TFEC: variants seen among roughly 807,000 people sequenced by gnomAD.
TFEC encodes transcription factor EC.
In TFEC, 31 loss-of-function variants were observed where a neutral mutation model predicts 41.6. That is an observed-to-expected ratio of 0.74 (90% CI 0.56 to 1.01). The LOEUF (loss-of-function observed/expected upper bound fraction) is 1.01. Ranked by LOEUF, TFEC falls within the 50% of genes least tolerant of loss-of-function variation. TFEC has a pLI of 0.00. For missense variants in TFEC, 402 were observed against 404.1 expected, an observed-to-expected ratio of 0.99 and a Z score of 0.04; for synonymous variants, 143 against 140.6, an observed-to-expected ratio of 1.02 and a Z score of -0.12.
In TFEC at chr7:116,109,835, T is replaced by C. The variant is rs556481574; in HGVS notation, c.198+873A>G. ...GACTTGGAACCAACCCAAATGTCCATCAATGATAGATCGGATTAAGAAAAT... is the reference window on the plus strand; with the variant it reads ...GACTTGGAACCAACCCAAATGTCCACCAATGATAGATCGGATTAAGAAAAT... On this transcript the variant is annotated intron_variant, in intron 3 of 8. Transcript: ENST00000484212. Among the ~76,000 whole-genome samples, 3 of 152,250 alleles carry C rather than the reference T, an allele frequency of 2.0e-5. No individual in the cohort carries two copies. The East Asian group carries it at 5.8e-4, about 29-fold the overall frequency.
intron 3 of TFEC, among the ~76,000 whole-genome samples, chr7:116,051,978 G>A (rs780367960): frequency 2.6e-5 from 4 of 151,874 alleles, no homozygotes; most frequent in African/African-American, 4.8e-5. Flanking sequence ...CTGAGAAGGT[G>A]TAAGGATGAA....
chr7:115,959,813 A>T (rs1792435224), intron 3 of TFEC, among the ~76,000 whole-genome samples: 1 of 151,690 alleles, frequency 6.6e-6, no homozygotes, highest in Admixed American at 6.6e-5. Flanking sequence ...GATAAGGAAA[A>T]AGACTAAGAA....
At chr7:116,033,793 G>A (rs1795843691), upstream of TFEC, among the ~76,000 whole-genome samples, 1 of 151,994 alleles carries the variant, frequency 6.6e-6, no homozygotes, top group Non-Finnish European at 1.5e-5. Context: ...CCCACCTAAA[G>A]GAAAACAAAT....
chr7:115,953,098 A>G (rs564124695), intron 5 of TFEC, among the ~76,000 whole-genome samples: 3 of 151,946 alleles, frequency 2.0e-5, no homozygotes, highest in African/African-American at 7.2e-5. Flanking sequence ...TGGAGCTTGA[A>G]TGTACAGGAC....
chr7:116,112,046 GA>G (rs923346355), intron 1 of TFEC: 51 of 971,214 alleles, frequency 5.3e-5, no homozygotes, highest in African/African-American at 2.8e-4. Flanking sequence ...ACTCTGAAAA[GA>G]AAAAAAAAGA....
At chr7:116,011,898 T>G (rs1472181080) in intron 1 of TFEC, among the ~76,000 whole-genome samples, 1 of 152,178 alleles carries the variant, frequency 6.6e-6, no homozygotes, top group Admixed American at 6.6e-5. Flanking sequence ...CTGCTCCCTC[T>G]TCCCCTTCTG....
intron 3 of TFEC, among the ~76,000 whole-genome samples, chr7:116,093,874 T>A (rs1797386687): frequency 1.3e-5 from 2 of 152,230 alleles, no homozygotes; most frequent in African/African-American, 4.8e-5. Context: ...TGTGGTAATG[T>A]TCACTTGTCT....
chr7:116,030,655 G>T lies in TFEC; in HGVS notation c.-95C>A. The T allele has an allele frequency of 1.0e-6, 1 of 985,394 alleles. No individual in the cohort carries two copies. Among genetic ancestry groups the T allele is most frequent in the Non-Finnish European group, 1.2e-6 (1 of 829,930 alleles). The allele number at this position is 985,394 out of a possible 1,614,324, so 61.0% of individuals were successfully genotyped here. ...TACCAGCAATGAGTGGATTTTATCA[G>T]TGTTGTCATCTCTACAAACAGCACC... On this transcript the variant is annotated 5_prime_UTR_variant, in exon 1 of 8. The change creates a new upstream start codon in the 5' untranslated region. Transcript: ENST00000265440.
chr7:115,958,587 G>A (rs545303087), intron 3 of TFEC, among the ~76,000 whole-genome samples: 11 of 151,858 alleles, frequency 7.2e-5, no homozygotes, highest in South Asian at 4.2e-4. Context: ...CAGATATACC[G>A]CAACAATAAA....
At chr7:116,102,984 T>C (rs1010464643) in intron 3 of TFEC, among the ~76,000 whole-genome samples, 1 of 152,208 alleles carries the variant, frequency 6.6e-6, no homozygotes, top group Non-Finnish European at 1.5e-5. Context: ...AAATATTTGG[T>C]AAGCACCTAC....
intron 3 of TFEC, among the ~76,000 whole-genome samples, chr7:116,094,476 C>T (rs552438639): frequency 6.5e-4 from 98 of 151,690 alleles, no homozygotes; most frequent in African/African-American, 2.2e-3. Flanking sequence ...GTCAGGAGAT[C>T]GAGACCATCC....
At chr7:116,037,069 A>G (rs971165300) in intron 3 of TFEC, among the ~76,000 whole-genome samples, 2 of 152,124 alleles carry the variant, frequency 1.3e-5, no homozygotes, top group Admixed American at 6.6e-5. Flanking sequence ...GTAAATAAAT[A>G]GTAGAGGAGA....
chr7:115,981,811 G>C (rs562044847), intron 2 of TFEC, among the ~76,000 whole-genome samples: 1 of 151,472 alleles, frequency 6.6e-6, no homozygotes, highest in South Asian at 2.1e-4. Flanking sequence ...CAGACAAACG[G>C]TCATGATCAA....
At chr7:115,944,325 G>A (rs1793678635) in intron 6 of TFEC, among the ~76,000 whole-genome samples, 2 of 151,270 alleles carry the variant, frequency 1.3e-5, no homozygotes, top group South Asian at 4.4e-4. Flanking sequence ...AGCTAAAGAG[G>A]ACAACTACTA....
chr7:115,965,700 A>G (rs1175902213), intron 3 of TFEC, among the ~76,000 whole-genome samples: 1 of 151,730 alleles, frequency 6.6e-6, no homozygotes, highest in African/African-American at 2.4e-5. Flanking sequence ...GTGCTGCTCT[A>G]TAAGAAAATA....
Position 115,937,852 on chromosome 7 carries a change from A to G in TFEC, c.*2699T>C, listed in dbSNP as rs1793305261. Reference sequence around the variant, plus strand: ...TAAGATCTCTGAATGCATGTGAATTATTGTCCATATAAACAGTTCTATACT... The same window carrying G: ...TAAGATCTCTGAATGCATGTGAATTGTTGTCCATATAAACAGTTCTATACT... On this transcript the variant is annotated 3_prime_UTR_variant, in exon 8 of 8. Transcript: ENST00000265440. The G allele has an allele frequency of 6.6e-6, 1 of 151,812 alleles. No individual in the cohort carries two copies. The highest frequency in any genetic ancestry group is 1.5e-5 in the Non-Finnish European group (1 of 67,812). 9.4% of individuals were successfully genotyped at this position (151,812 alleles called of 1,614,324 possible). A position where few individuals can be genotyped will look rare whatever the true frequency, so the allele number is the denominator to read the frequency against.
intron 3 of TFEC, among the ~76,000 whole-genome samples, chr7:115,964,898 T>C (rs1792765102): frequency 2.0e-5 from 3 of 151,580 alleles, no homozygotes; most frequent in Non-Finnish European, 4.4e-5. Context: ...ATATCCTTTA[T>C]ATATACAAAG....
At chr7:116,085,045 C>T (rs191556528) in intron 3 of TFEC, among the ~76,000 whole-genome samples, 62 of 151,754 alleles carry the variant, frequency 4.1e-4, no homozygotes, top group African/African-American at 1.3e-3. Context: ...AAAGAGAAAA[C>T]GTATAGGACC....
intron 1 of TFEC, among the ~76,000 whole-genome samples, chr7:116,145,173 T>C (rs577803908): frequency 1.3e-5 from 2 of 152,344 alleles, no homozygotes; most frequent in African/African-American, 4.8e-5. Context: ...TCAAACAGCT[T>C]GAGACTGGTT....
Sources: allele counts gnomAD v4.1 joint callset (sites outside exome capture counted in the v4.1 genomes callset), GRCh38; gene constraint gnomAD v4.1.1; transcripts MANE v1.5; gene names NCBI Gene and HGNC (gene_info 2026-07-23, HGNC 2026-07-21).